OSBPL10: variants seen among roughly 807,000 people sequenced by gnomAD.
OSBPL10 encodes oxysterol-binding protein-related protein 10.
A neutral mutation model predicts 81.7 loss-of-function variants in OSBPL10; 49 were observed. That is an observed-to-expected ratio of 0.60 (90% CI 0.48 to 0.76). OSBPL10 has a LOEUF of 0.76. Ranked by LOEUF, OSBPL10 falls within the 30% of genes least tolerant of loss-of-function variation. OSBPL10 has a pLI of 0.00. For missense variants in OSBPL10, 923 were observed against 987.8 expected (o/e 0.93, Z 0.88); for synonymous variants, 419 against 383.6 (o/e 1.09, Z -1.08).
intron 6 of OSBPL10, chr3:31,708,738 G>A: frequency 1.0e-6 from 1 of 985,392 alleles, no homozygotes; most frequent in Non-Finnish European, 1.2e-6. Flanking sequence ...CACTGCACAG[G>A]TGAGATTTCT....
At chr3:31,881,202 G>C (rs565559178) in intron 1 of OSBPL10, among the ~76,000 whole-genome samples, 6 of 152,106 alleles carry the variant, frequency 3.9e-5, no homozygotes, top group Non-Finnish European at 8.8e-5. Flanking sequence ...TACACTCTGC[G>C]GAAGTGGAAA....
chr3:31,744,469 CG>C (rs1480335737), intron 5 of OSBPL10, among the ~76,000 whole-genome samples: 1 of 142,568 alleles, frequency 7.0e-6, no homozygotes, highest in Non-Finnish European at 1.5e-5. Flanking sequence ...ACCTGGGAAG[CG>C]GAGGTTGCAG....
chr3:31,683,657 A>G lies in OSBPL10; in HGVS notation c.1703T>C (p.Val568Ala). The change falls in exon 8 of 12, where the codon GTG becomes GCG. Residue 568 changes from valine to alanine, a missense_variant. Val to Ala is a moderately conservative substitution (Grantham distance 64). Transcript: ENST00000396556. The part of the protein sequence containing the change: ...WTKSKFMGMS[V>A]GVSMIGEGVL... The stretch of plus-strand genomic sequence containing the variant: ...ACCTTCCCCTATCATAGAGACCCCC[A>G]CGGACATGCCCATGAACTTGCTTTT... The G allele has an allele frequency of 6.2e-7, 1 of 1,613,062 alleles. No individual in the cohort carries two copies. The highest frequency in any genetic ancestry group is 8.5e-7 in the Non-Finnish European group (1 of 1,179,192).
chr3:31,720,271 C>T (rs76407485), intron 6 of OSBPL10, among the ~76,000 whole-genome samples: 15,454 of 151,990 alleles, frequency 0.1, 1,287 homozygotes, highest in African/African-American at 0.23. Flanking sequence ...TGCCAAAGCA[C>T]GAACTGTAGA....
At chr3:31,916,985 A>C (rs1696774042) in intron 1 of OSBPL10, among the ~76,000 whole-genome samples, 1 of 152,220 alleles carries the variant, frequency 6.6e-6, no homozygotes, top group South Asian at 2.1e-4. Context: ...ATTTCAAAAA[A>C]TCGATTTCAA....
chr3:31,940,712 C>T (rs1458186168), intron 1 of OSBPL10, among the ~76,000 whole-genome samples: 1 of 152,084 alleles, frequency 6.6e-6, no homozygotes, highest in Non-Finnish European at 1.5e-5. Flanking sequence ...TCTGCTTGAA[C>T]AACCCCACAG....
intron 6 of OSBPL10, among the ~76,000 whole-genome samples, chr3:31,727,532 G>T (rs912911300): frequency 6.6e-6 from 1 of 152,148 alleles, no homozygotes; most frequent in Non-Finnish European, 1.5e-5. Flanking sequence ...CTTGATCAAT[G>T]ATATTTCCTA....
In OSBPL10 at chr3:31,663,063, A is replaced by G. The variant is rs936259583; in HGVS notation, c.2251-947T>C. ...CTTCCTGCTCTTCCTGCTCTTAACC[A>G]TGAATCCACCCCAGTTACCTACTAT... On this transcript the variant is annotated intron_variant, in intron 11 of 11. Coordinates refer to ENST00000396556, the MANE Select transcript of OSBPL10 (RefSeq NM_017784.5). 11 of 985,388 alleles carry G rather than the reference A, an allele frequency of 1.1e-5. No individual in the cohort carries two copies. The African/African-American group carries it at 1.7e-4, about 16-fold the overall frequency. The allele number at this position is 985,388 out of a possible 1,614,324, so 61.0% of individuals were successfully genotyped here.
chr3:31,867,260 G>C (rs991066091), intron 3 of OSBPL10, among the ~76,000 whole-genome samples: 4 of 152,122 alleles, frequency 2.6e-5, no homozygotes, highest in Non-Finnish European at 4.4e-5. Flanking sequence ...TAGAAGCCCA[G>C]AGAAAAGATT....
chr3:31,669,205 G>A lies in OSBPL10; in HGVS notation c.1914-381C>T, dbSNP rs1286588821. ...GCAGTACCTATAGCTCGGGTGATGG[G>A]TGCACCAAAATCTCACAAATCACGA... On this transcript the variant is annotated intron_variant, in intron 9 of 11. Transcript: ENST00000396556. Among the ~76,000 whole-genome samples the A allele has an allele frequency of 3.9e-5, 6 of 152,052 alleles. No homozygotes were observed. The East Asian group carries it at 7.7e-4, about 20-fold the overall frequency.
rs1553631713 is a variant in OSBPL10, at chr3:31,833,703, A to ACGCG, written c.538-3473_538-3472insCGCG. ...TTGTAGGGAAAACACGCACACGCACACGCACACACACACACACACACACAC... is the reference window on the plus strand; with the variant it reads ...TTGTAGGGAAAACACGCACACGCACACGCGCGCACACACACACACACACACACAC... On this transcript the variant is annotated intron_variant, in intron 3 of 11. Transcript: ENST00000396556. Among the ~76,000 whole-genome samples, 479 of 137,136 alleles carry ACGCG rather than the reference A, an allele frequency of 3.5e-3. 2 individuals are homozygous for ACGCG. The highest frequency in any genetic ancestry group is 0.018 in the South Asian group (80 of 4,406). The allele number at this position is 137,136 out of a possible 152,430, so 90.0% of individuals were successfully genotyped here.
At chr3:31,834,741 G>A (rs1700326723) in intron 3 of OSBPL10, among the ~76,000 whole-genome samples, 1 of 152,202 alleles carries the variant, frequency 6.6e-6, no homozygotes, top group South Asian at 2.1e-4. Context: ...TAGAAGCCTA[G>A]TGTGAGAAAG....
intron 5 of OSBPL10, among the ~76,000 whole-genome samples, chr3:31,739,070 A>G (rs1353621959): frequency 6.6e-6 from 1 of 152,090 alleles, no homozygotes; most frequent in African/African-American, 2.4e-5. Context: ...ATTTTTTCTA[A>G]GAGACAGGAT....
chr3:31,684,581 G>C (rs879626395), intron 7 of OSBPL10, among the ~76,000 whole-genome samples: 2 of 152,172 alleles, frequency 1.3e-5, no homozygotes, highest in African/African-American at 2.4e-5. Flanking sequence ...CCACTTCATA[G>C]GGGGTCCAGG....
At chr3:31,699,747 A>T (rs2125587288) in intron 7 of OSBPL10, among the ~76,000 whole-genome samples, 1 of 152,310 alleles carries the variant, frequency 6.6e-6, no homozygotes, top group East Asian at 1.9e-4. Flanking sequence ...AAGATACAGC[A>T]CTATGTGCCC....
intron 4 of OSBPL10, among the ~76,000 whole-genome samples, chr3:31,789,379 G>C (rs796478388): frequency 2.6e-5 from 4 of 152,274 alleles, no homozygotes; most frequent in African/African-American, 7.2e-5. Flanking sequence ...TCAGGTCCTT[G>C]AGTCCATCAT....
chr3:31,735,223 G>C (rs1391538114), intron 5 of OSBPL10, among the ~76,000 whole-genome samples: 1 of 152,316 alleles, frequency 6.6e-6, no homozygotes, highest in South Asian at 2.1e-4. Flanking sequence ...TGAATCACTT[G>C]AACCCAGGAG....
chr3:31,993,451 AC>A (rs1699056264), intron 2 of OSBPL10, among the ~76,000 whole-genome samples: 1 of 151,672 alleles, frequency 6.6e-6, no homozygotes, highest in African/African-American at 2.4e-5. Context: ...CAGGTGATCC[AC>A]CCGCCTCGGC....
chr3:32,003,913 T>C (rs1011313435), intron 2 of OSBPL10, among the ~76,000 whole-genome samples: 2 of 152,096 alleles, frequency 1.3e-5, no homozygotes, highest in African/African-American at 4.8e-5. Context: ...AAGGGCTCTT[T>C]TGGACTTGTT....
Sources: gnomAD v4.1 joint callset for allele counts (sites outside exome capture counted in the v4.1 genomes callset) on GRCh38, gnomAD v4.1.1 for gene constraint, MANE v1.5 for transcripts, NCBI Gene and HGNC (gene_info 2026-07-23, HGNC 2026-07-21) for gene names.